The following DCAF1 variants were observed in gnomAD, a reference collection of about 807,000 sequenced individuals.
The protein encoded by DCAF1 is DDB1 and CUL4 associated factor 1.
Under a neutral mutation model 128.0 loss-of-function variants are expected in DCAF1, and 15 were observed. The ratio of observed to expected loss-of-function variants is 0.12; its 90% CI spans 0.08 to 0.18. DCAF1 has a LOEUF of 0.18. Ranked by LOEUF, DCAF1 falls within the 10% of genes least tolerant of loss-of-function variation. DCAF1 has a pLI of 1.00. For missense variants in DCAF1, 988 were observed against 1,649.5 expected, an observed-to-expected ratio of 0.60 and a Z score of 6.95; for synonymous variants, 610 against 603.0, an observed-to-expected ratio of 1.01 and a Z score of -0.17.
intron 9 of DCAF1, among the ~76,000 whole-genome samples, chr3:51,435,244 C>A (rs1482249110): frequency 6.6e-6 from 1 of 152,206 alleles, no homozygotes; most frequent in Non-Finnish European, 1.5e-5. Flanking sequence ...TGCCCAATCC[C>A]TTCTTCCACT....
At chr3:51,432,036 G>A (rs1278887561) in intron 10 of DCAF1, among the ~76,000 whole-genome samples, 2 of 151,926 alleles carry the variant, frequency 1.3e-5, no homozygotes, top group East Asian at 3.9e-4. Flanking sequence ...ACTTTGGGAG[G>A]CCAAGGTGCG....
intron 5 of DCAF1, among the ~76,000 whole-genome samples, chr3:51,464,323 T>C (rs1466043761): frequency 2.0e-5 from 3 of 151,980 alleles, no homozygotes; most frequent in Non-Finnish European, 4.4e-5. Flanking sequence ...TTACTGAATC[T>C]CTAATATTAA....
Position 51,418,864 on chromosome 3 carries a change from A to T in DCAF1, c.3249T>A (p.Ile1083=). ...RHLIFSRFRP[I]SVFREANEDE... is the part of the protein sequence containing the mutation. Reference sequence around the variant, plus strand: ...CTTCATTGGCTTCCCGGAACACTGAAATAGGACGGAATCTAAGCAAAAAAA... The same window carrying T: ...CTTCATTGGCTTCCCGGAACACTGATATAGGACGGAATCTAAGCAAAAAAA... The change falls in exon 16 of 25, where the codon ATT becomes ATA. Residue 1083 remains isoleucine, a synonymous_variant. Coordinates refer to ENST00000684031, the MANE Select transcript of DCAF1 (RefSeq NM_001387579.1). 6.2e-7 allele frequency: 1 copy of T among 1,610,864 alleles called. No individual in the cohort carries two copies. The highest frequency in any genetic ancestry group is 1.7e-4 in the Middle Eastern group (1 of 6,056).
At chr3:51,451,076 T>C (rs1553641409) in intron 6 of DCAF1, among the ~76,000 whole-genome samples, 3 of 88,302 alleles carry the variant, frequency 3.4e-5, no homozygotes, top group African/African-American at 5.1e-5. Flanking sequence ...ATTCTTTTTT[T>C]TTTTTTTTTT....
Position 51,483,764 on chromosome 3 carries a change from T to C in DCAF1, c.65A>G (p.Glu22Gly). The change falls in exon 3 of 25, where the codon GAA becomes GGA. Residue 22 changes from glutamate (E) to glycine (G), a missense_variant. Glu to Gly is a moderately conservative substitution (Grantham distance 98). Coordinates refer to ENST00000684031, the MANE Select transcript of DCAF1 (RefSeq NM_001387579.1). The part of the protein sequence containing the change: ...AELTTLLEQW[E>G]KEHGSGQDMV... ...GTCCTGCCCACTGCCATGTTCCTTT[T>C]CCCACTGCTCCAGCAGGGTAGTGAG... 2 of 1,613,880 alleles carry C rather than the reference T, an allele frequency of 1.2e-6. No homozygotes were observed. The highest frequency in any genetic ancestry group is 1.1e-5 in the South Asian group (1 of 91,078).
intron 5 of DCAF1, among the ~76,000 whole-genome samples, chr3:51,465,318 T>C (rs1158708661): frequency 1.3e-5 from 2 of 152,084 alleles, no homozygotes; most frequent in Non-Finnish European, 2.9e-5. Context: ...ATGGAGCAAA[T>C]GGTCAGACAC....
intron 2 of DCAF1, among the ~76,000 whole-genome samples, chr3:51,489,091 G>A (rs1387407397): frequency 3.3e-5 from 5 of 152,194 alleles, no homozygotes; most frequent in African/African-American, 7.2e-5. Flanking sequence ...CCCAAAAATC[G>A]GAAACCAGAC....
At chr3:51,474,384 C>G (rs1302877770) in intron 3 of DCAF1, among the ~76,000 whole-genome samples, 1 of 152,122 alleles carries the variant, frequency 6.6e-6, no homozygotes, top group Non-Finnish European at 1.5e-5. Flanking sequence ...CGTGCCATTG[C>G]ACTCCAGCCT....
chr3:51,441,656 C>T lies in DCAF1; in HGVS notation c.755G>A (p.Arg252Lys), dbSNP rs782626689. ...HLDSGHKTSSRVNSTTKPEDG... is the reference protein window; with the variant it reads ...HLDSGHKTSSKVNSTTKPEDG... ...CTCAGGTTTGGTTGTTGAGTTCACT[C>T]TGCTACTAGTCTTGTGGCCTGAATC... Residue 252 changes from arginine to lysine, a missense_variant, in exon 8 of 25, where the codon AGA (arginine) becomes AAA (lysine). Arg to Lys is a conservative substitution (Grantham distance 26). Around this residue, in one of 11 missense-constraint regions of DCAF1, gnomAD observed 210 missense variants for 260.2 expected, o/e 0.81. Transcript: ENST00000684031. 1.9e-6 allele frequency: 3 copies of T among 1,613,838 alleles called. No homozygotes were observed. Among genetic ancestry groups the T allele is most frequent in the Admixed American group, 1.7e-5 (1 of 59,960 alleles).
chr3:51,465,234 G>A (rs1181871167), intron 5 of DCAF1, among the ~76,000 whole-genome samples: 1 of 152,168 alleles, frequency 6.6e-6, no homozygotes, highest in African/African-American at 2.4e-5. Flanking sequence ...AGAGAGCTTG[G>A]AGGCGTAAAG....
chr3:51,465,319 G>A (rs1452348691), intron 5 of DCAF1, among the ~76,000 whole-genome samples: 1 of 152,094 alleles, frequency 6.6e-6, no homozygotes, highest in Non-Finnish European at 1.5e-5. Context: ...TGGAGCAAAT[G>A]GTCAGACACG....
chr3:51,413,077 GA>G lies in DCAF1; in HGVS notation c.4037-12del. 1 of 1,613,816 alleles carries G rather than the reference GA, an allele frequency of 6.2e-7. No individual in the cohort carries two copies. The highest frequency in any genetic ancestry group is 1.1e-5 in the South Asian group (1 of 91,002). On this transcript the variant is annotated splice_polypyrimidine_tract_variant and intron_variant, in intron 21 of 24. Transcript: ENST00000684031. ...TCACATCAATGGTTGCTGGAAAATA[GA>G]ATGTGAGAAGATTGGGATTGGACTA...
At position 51,398,413 on chromosome 3, in the gene DCAF1, C is replaced by A; in HGVS notation, c.*356G>T. The stretch of plus-strand genomic sequence containing the variant: ...TTCCTTTTTAAAGTTTTATAAAAAA[C>A]TATTTCTTGTTCTTTAAGTAAAGAA... On this transcript the variant is annotated 3_prime_UTR_variant, in exon 25 of 25. Coordinates refer to ENST00000684031, the MANE Select transcript of DCAF1 (RefSeq NM_001387579.1). 5.7e-6 allele frequency: 1 copy of A among 175,720 alleles called. No individual in the cohort carries two copies. The highest frequency in any genetic ancestry group is 1.2e-5 in the Non-Finnish European group (1 of 84,280). The allele number at this position is 175,720 out of a possible 1,614,324, so 10.9% of individuals were successfully genotyped here.
chr3:51,425,563 T>A (rs1362393893), intron 13 of DCAF1, among the ~76,000 whole-genome samples: 1 of 140,460 alleles, frequency 7.1e-6, no homozygotes, highest in African/African-American at 2.6e-5. Context: ...TGTCATCTTT[T>A]TTTTTTTTTT....
At chr3:51,468,820 A>G (rs1019748658) in intron 4 of DCAF1, among the ~76,000 whole-genome samples, 2 of 152,296 alleles carry the variant, frequency 1.3e-5, no homozygotes, top group East Asian at 1.9e-4. Context: ...GAAAAATGTC[A>G]TATCTTTCTC....
chr3:51,475,734 GCCTGTAGTCCCAGCTACT>G (rs1215409598), intron 3 of DCAF1, among the ~76,000 whole-genome samples: 1 of 152,158 alleles, frequency 6.6e-6, no homozygotes, highest in African/African-American at 2.4e-5. Context: ...GGTGGCAGGC[GCCTGTAGTCCCAGCTACT>G]CAGGAGGCTG....
At chr3:51,431,556 T>G (rs1195682615) in intron 10 of DCAF1, among the ~76,000 whole-genome samples, 4 of 144,874 alleles carry the variant, frequency 2.8e-5, no homozygotes, top group African/African-American at 1.0e-4. Flanking sequence ...TATGAAAGAG[T>G]CTTAACTACA....
intron 5 of DCAF1, among the ~76,000 whole-genome samples, chr3:51,466,079 G>A (rs1235244717): frequency 6.6e-6 from 1 of 152,028 alleles, no homozygotes; most frequent in Non-Finnish European, 1.5e-5. Flanking sequence ...GCAGGCACCT[G>A]TGGTCCCAGC....
At chr3:51,438,014 G>C in intron 9 of DCAF1, 1 of 336,582 alleles carries the variant, frequency 3.0e-6, no homozygotes, top group Non-Finnish European at 5.8e-6. Context: ...TCAAATCTTG[G>C]CTAGTTTTAT....
Sources: allele counts gnomAD v4.1 joint callset (sites outside exome capture counted in the v4.1 genomes callset), GRCh38; gene constraint gnomAD v4.1.1; regional missense constraint gnomAD v4.1.1; transcripts MANE v1.5; gene names NCBI Gene and HGNC (gene_info 2026-07-23, HGNC 2026-07-21).